Variants in TBX15 observed in about 807,000 individuals in gnomAD.
The protein encoded by TBX15 is T-box transcription factor 15.
A neutral mutation model predicts 53.9 loss-of-function variants in TBX15; 18 were observed. That is an observed-to-expected ratio of 0.33 (90% CI 0.23 to 0.49). The LOEUF (loss-of-function observed/expected upper bound fraction) is 0.49, where lower values mean the gene tolerates loss of function less well. Ranked by LOEUF, TBX15 falls within the 20% of genes least tolerant of loss-of-function variation. The pLI is 0.98. For synonymous variants in TBX15, 295 were observed against 278.0 expected (o/e 1.06, Z -0.61); for missense variants, 692 against 749.5 (o/e 0.92, Z 0.90).
intron 1 of TBX15, among the ~76,000 whole-genome samples, chr1:118,954,742 TG>T (rs1349873646): frequency 2.0e-5 from 3 of 152,210 alleles, no homozygotes; most frequent in Non-Finnish European, 2.9e-5. Context: ...GAAATATTTC[TG>T]GGATTAATAA....
At chr1:118,893,845 C>T (rs1336829018) in intron 7 of TBX15, among the ~76,000 whole-genome samples, 1 of 152,082 alleles carries the variant, frequency 6.6e-6, no homozygotes, top group Non-Finnish European at 1.5e-5. Flanking sequence ...TTCACTTATT[C>T]AATCACTATT....
chr1:118,889,604 G>T (rs1224627852), intron 7 of TBX15, among the ~76,000 whole-genome samples: 1 of 152,104 alleles, frequency 6.6e-6, no homozygotes, highest in Non-Finnish European at 1.5e-5. Flanking sequence ...GTGTTCTATA[G>T]GGTCCAAAAA....
At chr1:118,958,145 G>C (rs1434125577) in intron 1 of TBX15, among the ~76,000 whole-genome samples, 3 of 152,196 alleles carry the variant, frequency 2.0e-5, no homozygotes, top group Non-Finnish European at 4.4e-5. Context: ...GCAGTTTTTG[G>C]AGACGAGACT....
intron 7 of TBX15, among the ~76,000 whole-genome samples, chr1:118,897,912 G>T (rs758168725): frequency 3.4e-4 from 52 of 152,150 alleles, no homozygotes; most frequent in Non-Finnish European, 5.6e-4. Context: ...CGTCAGAAAG[G>T]CAATATTCCT....
intron 1 of TBX15, among the ~76,000 whole-genome samples, chr1:118,945,537 C>T (rs1331151219): frequency 6.6e-6 from 1 of 152,126 alleles, no homozygotes; most frequent in Admixed American, 6.6e-5. Context: ...CTCTCTACCC[C>T]ACTGTCCCTA....
chr1:118,950,034 C>T (rs996326851), intron 1 of TBX15, among the ~76,000 whole-genome samples: 1 of 152,204 alleles, frequency 6.6e-6, no homozygotes, highest in African/African-American at 2.4e-5. Flanking sequence ...TAATCTCCTA[C>T]TATCTGGCTT....
intron 1 of TBX15, among the ~76,000 whole-genome samples, chr1:118,963,501 C>G (rs1656943723): frequency 6.6e-6 from 1 of 152,206 alleles, no homozygotes; most frequent in Non-Finnish European, 1.5e-5. Context: ...TGTTCTTAGA[C>G]AGGGCTATGA....
chr1:118,961,293 C>A lies in TBX15; in HGVS notation c.205+26298G>T, dbSNP rs1469671810. Among the ~76,000 whole-genome samples, 4 of 152,192 alleles carry A rather than the reference C, an allele frequency of 2.6e-5. No homozygotes were observed. The East Asian group carries it at 7.7e-4, about 29-fold the overall frequency. On this transcript the variant is annotated intron_variant, in intron 1 of 7. Coordinates refer to ENST00000369429, the MANE Select transcript of TBX15 (RefSeq NM_001330677.2). ...AGAATGGTGTTTATTCATCTTTATA[C>A]CTCCCAGCACCTAATACCATATTTG...
chr1:118,934,816 T>C (rs1655911671), intron 1 of TBX15, among the ~76,000 whole-genome samples: 6 of 152,216 alleles, frequency 3.9e-5, no homozygotes, highest in Admixed American at 3.9e-4. Context: ...TGTGGAGGCA[T>C]AGGCAGTATT....
rs537663157 is a variant in TBX15 at position 118,887,624 on chromosome 1, A to G, written c.1025-2108T>C. 1.6e-4 allele frequency among the ~76,000 whole-genome samples: 25 copies of G among 152,120 alleles called. No individual in the cohort carries two copies. The East Asian group carries it at 4.8e-3, about 29-fold the overall frequency. On this transcript the variant is annotated intron_variant, in intron 7 of 7. Coordinates refer to ENST00000369429, the MANE Select transcript of TBX15 (RefSeq NM_001330677.2). ...CAGGAGGCGGAGGCTGCAGTGAGCC[A>G]AGATAGTGCCATTGCACGCTGGCCT...
At chr1:118,917,699 T>C (rs1655288195) in intron 5 of TBX15, among the ~76,000 whole-genome samples, 1 of 152,218 alleles carries the variant, frequency 6.6e-6, no homozygotes, top group East Asian at 1.9e-4. Context: ...AACTATTCTA[T>C]GTAGCCTTAG....
rs760568185 is a variant in TBX15, at chr1:118,885,094, C to T, written c.1447G>A (p.Ala483Thr). Residue 483 changes from alanine (A) to threonine (T), a missense_variant, in exon 8 of 8, where the codon GCA becomes ACA. By Grantham distance (58) the Ala-to-Thr change is moderately conservative. Transcript: ENST00000369429. ...GAGGAGCTGGAGGCAGCATTGCCTG[C>T]CTGCATGACATACTGAAACTGGGAA... ...PTSQFQYVMQ[A>T]GNAASSSSSP... The T allele has an allele frequency of 3.1e-6, 5 of 1,614,048 alleles. No homozygotes were observed. Among genetic ancestry groups the T allele is most frequent in the Non-Finnish European group, 4.2e-6 (5 of 1,180,036 alleles).
intron 1 of TBX15, among the ~76,000 whole-genome samples, chr1:118,951,564 G>T: frequency 6.6e-6 from 1 of 152,170 alleles, no homozygotes. Flanking sequence ...TGGTTCCTTA[G>T]CTCTTCTTGG....
rs533832944 is a variant in TBX15 at position 118,976,202 on chromosome 1, T to C, written c.205+11389A>G. Among the ~76,000 whole-genome samples the C allele has an allele frequency of 5.9e-5, 9 of 152,338 alleles. No homozygotes were observed. The South Asian group carries it at 1.0e-3, about 18-fold the overall frequency. On this transcript the variant is annotated intron_variant, in intron 1 of 7. Coordinates refer to ENST00000369429, the MANE Select transcript of TBX15 (RefSeq NM_001330677.2). Reference sequence around the variant, plus strand: ...CATGGCAAAACAGAGCTGGGGTTTCTGTTGTTCCTCTAAAAAAAAACTTCC... The same window carrying C: ...CATGGCAAAACAGAGCTGGGGTTTCCGTTGTTCCTCTAAAAAAAAACTTCC...
At chr1:118,979,926 G>A (rs566004080) in intron 1 of TBX15, among the ~76,000 whole-genome samples, 1 of 152,294 alleles carries the variant, frequency 6.6e-6, no homozygotes, top group East Asian at 1.9e-4. Flanking sequence ...CAGCCAAGCC[G>A]CGCCTGACCC....
At chr1:118,919,802 G>A (rs759730457) in intron 5 of TBX15, among the ~76,000 whole-genome samples, 30 of 151,946 alleles carry the variant, frequency 2.0e-4, no homozygotes, top group African/African-American at 5.3e-4. Context: ...CATTACATCC[G>A]AATTTTTCAT....
intron 1 of TBX15, among the ~76,000 whole-genome samples, chr1:118,937,239 T>C (rs1656000376): frequency 6.6e-6 from 1 of 152,090 alleles, no homozygotes; most frequent in African/African-American, 2.4e-5. Flanking sequence ...ATGTCAGAGT[T>C]TAGATTATGT....
chr1:118,901,833 C>A (rs946161485), intron 6 of TBX15, among the ~76,000 whole-genome samples: 5 of 152,142 alleles, frequency 3.3e-5, no homozygotes, highest in Admixed American at 3.3e-4. Flanking sequence ...AAGGAGTCCA[C>A]CTGCCACATC....
rs904061195 is a variant in TBX15 at position 118,883,581 on chromosome 1, C to T, written c.*1151G>A. 2.6e-5 allele frequency: 4 copies of T among 152,282 alleles called. No homozygotes were observed. Among genetic ancestry groups the T allele is most frequent in the Non-Finnish European group, 5.9e-5 (4 of 68,042 alleles). The allele number at this position is 152,282 out of a possible 1,614,324, so 9.4% of individuals were successfully genotyped here. On this transcript the variant is annotated 3_prime_UTR_variant, in exon 8 of 8. Transcript: ENST00000369429. ...CAGGCCTCTATTTGTTGCCTCTGCT[C>T]TTGGTATCATCTTCCGAGATTATAA...
Sources: allele counts gnomAD v4.1 joint callset (sites outside exome capture counted in the v4.1 genomes callset), GRCh38; gene constraint gnomAD v4.1.1; transcripts MANE v1.5; gene names NCBI Gene and HGNC (gene_info 2026-07-23, HGNC 2026-07-21).